Variants in YAP1 observed in about 807,000 individuals in gnomAD.
YAP1 encodes Yes1 associated transcriptional regulator.
A neutral mutation model predicts 56.9 loss-of-function variants in YAP1; 5 were observed. That is an observed-to-expected ratio of 0.09 (90% CI 0.05 to 0.18). YAP1 has a LOEUF of 0.18. YAP1 is among the 10% of genes least tolerant of loss of function. The pLI is 1.00. For synonymous variants in YAP1, 265 were observed against 248.1 expected (o/e 1.07, Z -0.64); for missense variants, 539 against 651.8 (o/e 0.83, Z 1.88).
chr11:102,123,036 A>G (rs1339959529), intron 2 of YAP1, among the ~76,000 whole-genome samples: 1 of 151,820 alleles, frequency 6.6e-6, no homozygotes, highest in African/African-American at 2.4e-5. Context: ...TAAAAATTCC[A>G]TATTTATAAA....
At chr11:102,130,662 C>G (rs1397304286) in intron 2 of YAP1, among the ~76,000 whole-genome samples, 2 of 149,232 alleles carry the variant, frequency 1.3e-5, no homozygotes, top group Admixed American at 6.7e-5. Flanking sequence ...TTCAGCCTCC[C>G]AAAATGCTGG....
chr11:102,117,678 T>G (rs1943374305), intron 2 of YAP1, among the ~76,000 whole-genome samples: 2 of 152,186 alleles, frequency 1.3e-5, no homozygotes, highest in Non-Finnish European at 2.9e-5. Flanking sequence ...TACCTTACTT[T>G]GGCAAGTGAT....
intron 7 of YAP1, among the ~76,000 whole-genome samples, chr11:102,224,919 G>C (rs1328433709): frequency 1.3e-5 from 2 of 152,080 alleles, no homozygotes; most frequent in Non-Finnish European, 2.9e-5. Context: ...CTTGTTGAAG[G>C]GGCTATATTA....
chr11:102,171,272 A>G (rs1946885356), intron 3 of YAP1, among the ~76,000 whole-genome samples: 1 of 152,218 alleles, frequency 6.6e-6, no homozygotes, highest in Admixed American at 6.5e-5. Flanking sequence ...CTCTATTGCT[A>G]CAATAATTTT....
intron 6 of YAP1, among the ~76,000 whole-genome samples, chr11:102,211,364 T>G (rs1949395455): frequency 6.6e-6 from 1 of 152,196 alleles, no homozygotes; most frequent in Non-Finnish European, 1.5e-5. Context: ...GTAGTAAAGC[T>G]TCTAAGATAC....
intron 2 of YAP1, among the ~76,000 whole-genome samples, chr11:102,130,720 C>CTTTT (rs61175592): frequency 8.9e-4 from 87 of 98,038 alleles, no homozygotes; most frequent in East Asian, 2.0e-3. Context: ...GATAACTACT[C>CTTTT]TTTTTTTTTT....
chr11:102,141,854 G>C (rs78710279), intron 2 of YAP1, among the ~76,000 whole-genome samples: 319 of 152,298 alleles, frequency 2.1e-3, no homozygotes, highest in Admixed American at 5.0e-3. Flanking sequence ...AGATATTTGA[G>C]AATGTGGTGT....
intron 2 of YAP1, among the ~76,000 whole-genome samples, chr11:102,122,913 AAAAG>A (rs1943764564): frequency 6.6e-6 from 1 of 150,842 alleles, no homozygotes; most frequent in Non-Finnish European, 1.5e-5. Context: ...AAAAAAAAAA[AAAAG>A]CAAAGAAAAG....
intron 2 of YAP1, among the ~76,000 whole-genome samples, chr11:102,156,175 T>C (rs1945933134): frequency 6.6e-6 from 1 of 152,226 alleles, no homozygotes; most frequent in Admixed American, 6.5e-5. Flanking sequence ...AAATAGTATT[T>C]GTTCAGGAAT....
At chr11:102,134,218 C>T (rs572987872) in intron 2 of YAP1, among the ~76,000 whole-genome samples, 8 of 152,126 alleles carry the variant, frequency 5.3e-5, no homozygotes, top group African/African-American at 1.7e-4. Flanking sequence ...TGGTCTCTCA[C>T]TTTATTTGCC....
At chr11:102,188,101 G>A (rs546306336) in intron 4 of YAP1, among the ~76,000 whole-genome samples, 1 of 152,308 alleles carries the variant, frequency 6.6e-6, no homozygotes, top group African/African-American at 2.4e-5. Context: ...TTAGCTGCTG[G>A]ATTTGAAGTT....
rs375186235 is a variant in YAP1, at chr11:102,229,677, T to G, written c.1277-25T>G. 9 of 1,603,642 alleles carry G rather than the reference T, an allele frequency of 5.6e-6. No individual in the cohort carries two copies. In the African/African-American group the frequency reaches 1.2e-4, roughly 22 times the overall value. ...GATGTTAGCTTTTCAAAAAGGACTT[T>G]GTTATCTCTGTGTGTTTCCACTAGG... On this transcript the variant is annotated intron_variant, in intron 8 of 8. Coordinates refer to ENST00000282441, the MANE Select transcript of YAP1 (RefSeq NM_001130145.3).
intron 2 of YAP1, among the ~76,000 whole-genome samples, chr11:102,151,655 T>A (rs1480537132): frequency 1.3e-5 from 2 of 152,352 alleles, no homozygotes; most frequent in East Asian, 3.9e-4. Context: ...CATTTTGATG[T>A]CAGCAGTACT....
chr11:102,186,460 T>A, intron 4 of YAP1: 1 of 305,020 alleles, frequency 3.3e-6, no homozygotes, highest in South Asian at 2.9e-5. Flanking sequence ...GCAATAATAA[T>A]CAGGCTGTCA....
intron 5 of YAP1, among the ~76,000 whole-genome samples, chr11:102,207,077 A>G (rs150239153): frequency 1.3e-5 from 2 of 152,300 alleles, no homozygotes; most frequent in East Asian, 3.9e-4. Context: ...GGTTAAATCT[A>G]CTAAGTTCAG....
chr11:102,202,179 A>T (rs1300952802), intron 4 of YAP1, among the ~76,000 whole-genome samples: 2 of 148,122 alleles, frequency 1.4e-5, no homozygotes, highest in East Asian at 3.9e-4. Flanking sequence ...TTTTTTTTTG[A>T]GATGGAGTCT....
chr11:102,145,050 G>C (rs549487968), intron 2 of YAP1, among the ~76,000 whole-genome samples: 1 of 152,236 alleles, frequency 6.6e-6, no homozygotes, highest in African/African-American at 2.4e-5. Context: ...AAGTTTTACT[G>C]GATACTTGGT....
chr11:102,114,045 C>A (rs1316052670), intron 1 of YAP1, 99 bp from the exon 2 acceptor site: 33 of 1,322,724 alleles, frequency 2.5e-5, no homozygotes, highest in Non-Finnish European at 3.1e-5. Flanking sequence ...TCCTTTGGTA[C>A]TTAGATATTC....
intron 4 of YAP1, among the ~76,000 whole-genome samples, chr11:102,193,962 G>A (rs757808919): frequency 4.0e-5 from 6 of 151,510 alleles, no homozygotes; most frequent in Non-Finnish European, 5.9e-5. Flanking sequence ...GCCTGCCACC[G>A]TGCCCGGCTA....
Sources: allele counts gnomAD v4.1 joint callset (sites outside exome capture counted in the v4.1 genomes callset), GRCh38; gene constraint gnomAD v4.1.1; transcripts MANE v1.5; gene names NCBI Gene and HGNC (gene_info 2026-07-23, HGNC 2026-07-21).